Variants in RIMBP2 observed in about 807,000 individuals in gnomAD.
RIMBP2 encodes RIMS binding protein 2, also known as RIMS-binding protein 2.
In RIMBP2, 48 loss-of-function variants were observed where a neutral mutation model predicts 118.6. That is an observed-to-expected ratio of 0.40 (90% confidence interval 0.32 to 0.51). RIMBP2 has a LOEUF of 0.51. Ranked by LOEUF, RIMBP2 falls within the 20% of genes least tolerant of loss-of-function variation. The probability of loss-of-function intolerance (pLI) is 0.41; values close to 1 mark genes in which losing one functional copy is unlikely to be tolerated. For missense variants in RIMBP2, 1,551 were observed against 1,768.3 expected (o/e 0.88, Z 2.20); for synonymous variants, 762 against 742.9 (o/e 1.03, Z -0.42).
intron 1 of RIMBP2, among the ~76,000 whole-genome samples, chr12:130,671,149 T>C (rs1267489128): frequency 1.3e-5 from 2 of 152,082 alleles, no homozygotes; most frequent in African/African-American, 4.8e-5. Context: ...ACAGATGTGG[T>C]GCCTGGAGCT....
chr12:130,475,849 T>A lies in RIMBP2; in HGVS notation c.102+3063A>T, dbSNP rs529459337. Among the ~76,000 whole-genome samples, 3 of 151,916 alleles carry A rather than the reference T, an allele frequency of 2.0e-5. No individual in the cohort carries two copies. In the South Asian group the frequency reaches 6.2e-4, roughly 32 times the overall value. ...AAGGAGTTCAGCAGAAGTGCAGGTGTTGGTGAGGACAGAGGGGAGTTCTGT... is the reference window on the plus strand; with the variant it reads ...AAGGAGTTCAGCAGAAGTGCAGGTGATGGTGAGGACAGAGGGGAGTTCTGT... On this transcript the variant is annotated intron_variant, in intron 5 of 22. Coordinates refer to ENST00000690449, the MANE Select transcript of RIMBP2 (RefSeq NM_001393629.1). The surrounding 1 kb of genome is among the most constrained non-coding windows in gnomAD (Gnocchi z 4.1).
chr12:130,458,773 G>T (rs945932931), intron 6 of RIMBP2, among the ~76,000 whole-genome samples: 1 of 152,150 alleles, frequency 6.6e-6, no homozygotes, highest in Non-Finnish European at 1.5e-5. Context: ...GGCCAGGCAC[G>T]GTGGCTCACG....
chr12:130,424,233 C>T lies in RIMBP2; in HGVS notation c.3038G>A (p.Arg1013Gln), dbSNP rs182440568. 2.7e-4 allele frequency: 337 copies of T among 1,232,004 alleles called. No individual in the cohort carries two copies. The East Asian group carries it at 7.8e-3, about 29-fold the overall frequency. The allele number at this position is 1,232,004 out of a possible 1,614,324, so 76.3% of individuals were successfully genotyped here. Residue 1013 changes from arginine (R) to glutamine (Q), a missense_variant, in exon 16 of 23, where the codon CGG (arginine) becomes CAG (glutamine). Transcript: ENST00000690449. The surrounding 1 kb of genome is among the most constrained non-coding windows in gnomAD (Gnocchi z 9.8). ...WGEPTEHQDF[R>Q]GVWKKSITMP... is the part of the protein sequence containing the mutation. The stretch of plus-strand genomic sequence containing the variant: ...GGTTATGCTTTTCTTCCAGACACCC[C>T]GAAAATCTTGGTGCTCGGTGGGCTC...
intron 2 of RIMBP2, among the ~76,000 whole-genome samples, chr12:130,524,921 G>A (rs1017501014): frequency 2.6e-5 from 4 of 152,170 alleles, no homozygotes; most frequent in African/African-American, 9.7e-5. Flanking sequence ...TTAAGGGATG[G>A]GGCACGTTCG....
intron 1 of RIMBP2, among the ~76,000 whole-genome samples, chr12:130,646,315 T>C (rs61936798): frequency 0.48 from 1,682 of 3,488 alleles, 417 homozygotes; most frequent in Middle Eastern, 1. Context: ...CCCTCACCAC[T>C]TCCCTCTCCA....
chr12:130,682,123 C>T (rs1159607328), intron 1 of RIMBP2, among the ~76,000 whole-genome samples: 3 of 152,200 alleles, frequency 2.0e-5, no homozygotes, highest in Non-Finnish European at 4.4e-5. Flanking sequence ...ACCCTCCCAG[C>T]CCTTGTCCCG....
chr12:130,699,250 AT>A (rs1380508253), intron 1 of RIMBP2, among the ~76,000 whole-genome samples: 1 of 152,210 alleles, frequency 6.6e-6, no homozygotes, highest in Non-Finnish European at 1.5e-5. Context: ...AGGATTATAA[AT>A]CATGCTGCTA....
At chr12:130,633,680 A>G (rs1054422005) in intron 1 of RIMBP2, 31 of 152,242 alleles carry the variant, frequency 2.0e-4, no homozygotes, top group African/African-American at 7.0e-4. Flanking sequence ...CCCACCTCTC[A>G]GCCCAGAAAA....
chr12:130,489,244 C>T (rs565436066), intron 4 of RIMBP2, among the ~76,000 whole-genome samples: 2 of 152,288 alleles, frequency 1.3e-5, no homozygotes, highest in East Asian at 1.9e-4. Flanking sequence ...ATAAGCAATA[C>T]GCATCGGATA....
chr12:130,587,578 A>G (rs1190436995), intron 2 of RIMBP2, among the ~76,000 whole-genome samples: 4 of 89,010 alleles, frequency 4.5e-5, no homozygotes, highest in African/African-American at 1.8e-4. Flanking sequence ...CTATCGCAAG[A>G]ACAAAAAACC....
chr12:130,449,846 C>A (rs1033340971), intron 9 of RIMBP2, among the ~76,000 whole-genome samples: 5 of 152,044 alleles, frequency 3.3e-5, no homozygotes, highest in Non-Finnish European at 7.4e-5. Flanking sequence ...GCCAGGGCCG[C>A]CTGGTCTCCC....
chr12:130,517,908 G>A lies in RIMBP2; in HGVS notation c.-207C>T. ...TACTCTCCCTGGGTGGCATCCTTCA[G>A]TTCATTTTCCTAGGACAAAAGGAAA... is the stretch of plus-strand genomic sequence containing the variant. On this transcript the variant is annotated 5_prime_UTR_variant, in exon 3 of 23. Coordinates refer to ENST00000690449, the MANE Select transcript of RIMBP2 (RefSeq NM_001393629.1). 1 of 985,170 alleles carries A rather than the reference G, an allele frequency of 1.0e-6. No homozygotes were observed. The highest frequency in any genetic ancestry group is 4.7e-5 in the South Asian group (1 of 21,254). 61.0% of individuals were successfully genotyped at this position (985,170 alleles called of 1,614,324 possible). A position where few individuals can be genotyped will look rare whatever the true frequency, so the allele number is the denominator to read the frequency against.
chr12:130,651,790 G>A (rs1420910998), intron 1 of RIMBP2, among the ~76,000 whole-genome samples: 2 of 152,174 alleles, frequency 1.3e-5, no homozygotes, highest in South Asian at 2.1e-4. Context: ...ATTATCTGCA[G>A]GATTATGTAC....
chr12:130,555,902 G>C (rs1052284315), intron 2 of RIMBP2, among the ~76,000 whole-genome samples: 2 of 152,160 alleles, frequency 1.3e-5, no homozygotes, highest in Admixed American at 6.5e-5. Flanking sequence ...CGTGCAGGCC[G>C]GCTCTCAGAA....
At chr12:130,412,251 C>T (rs1229381477) in intron 19 of RIMBP2, among the ~76,000 whole-genome samples, 2 of 152,126 alleles carry the variant, frequency 1.3e-5, no homozygotes, top group Non-Finnish European at 2.9e-5. Context: ...TAGCGGCCCC[C>T]CAACCACCCA....
intron 2 of RIMBP2, among the ~76,000 whole-genome samples, chr12:130,551,176 T>G (rs1281993124): frequency 6.6e-6 from 1 of 152,096 alleles, no homozygotes; most frequent in East Asian, 1.9e-4. Flanking sequence ...AAAAGGAGGG[T>G]GACTCCAGCA....
At chr12:130,533,908 G>A (rs553532151) in intron 2 of RIMBP2, among the ~76,000 whole-genome samples, 1 of 152,074 alleles carries the variant, frequency 6.6e-6, no homozygotes, top group East Asian at 1.9e-4. Context: ...GCTCATGCCT[G>A]TAATCCCAGC....
intron 2 of RIMBP2, among the ~76,000 whole-genome samples, chr12:130,611,539 T>A (rs2060554336): frequency 6.6e-6 from 1 of 152,212 alleles, no homozygotes; most frequent in Non-Finnish European, 1.5e-5. Flanking sequence ...AAGTGGCAGA[T>A]GCCACCATGC....
At chr12:130,639,103 C>A (rs1028593466) in intron 1 of RIMBP2, among the ~76,000 whole-genome samples, 1 of 152,074 alleles carries the variant, frequency 6.6e-6, no homozygotes, top group African/African-American at 2.4e-5. Context: ...TTAATAAAAG[C>A]CTGGCCGGGC....
Sources: allele counts gnomAD v4.1 joint callset (sites outside exome capture counted in the v4.1 genomes callset), GRCh38; gene constraint gnomAD v4.1.1; non-coding constraint Gnocchi (gnomAD v3.1); transcripts MANE v1.5; gene names NCBI Gene and HGNC (gene_info 2026-07-23, HGNC 2026-07-21).